The following ERAP1 variants were observed in gnomAD, a reference collection of about 807,000 sequenced individuals.
ERAP1 encodes adipocyte-derived leucine aminopeptidase.
ERAP1 carries 86 observed loss-of-function variants against 103.7 expected under a neutral mutation model. The observed-to-expected ratio is 0.83, with a 90% CI of 0.70 to 0.99. ERAP1 has a LOEUF of 0.99. Ranked by LOEUF, ERAP1 falls within the 50% of genes least tolerant of loss-of-function variation. The pLI is 0.00. For synonymous variants in ERAP1, 398 were observed against 402.4 expected, an observed-to-expected ratio of 0.99 and a Z score of 0.13; for missense variants, 1,009 against 1,128.4, an observed-to-expected ratio of 0.89 and a Z score of 1.52.
chr5:96,871,955 C>T, the ERAP1 span, among the ~76,000 whole-genome samples: 3 of 152,240 alleles, frequency 2.0e-5, no homozygotes, highest in East Asian at 5.8e-4. Context: ...CCCCTCCCTA[C>T]CCCCATTTCT....
At chr5:96,852,297 T>G in the ERAP1 span, among the ~76,000 whole-genome samples, 1 of 152,128 alleles carries the variant, frequency 6.6e-6, no homozygotes, top group Non-Finnish European at 1.5e-5. Context: ...AAATGCTGAG[T>G]GTGGACAGAT....
At chr5:96,815,507 G>A in the ERAP1 span, among the ~76,000 whole-genome samples, 1 of 147,630 alleles carries the variant, frequency 6.8e-6, no homozygotes, top group Non-Finnish European at 1.5e-5. Context: ...TGCCTCCCAT[G>A]TTCAAGCGAT....
intron 10 of ERAP1, among the ~76,000 whole-genome samples, 196 bp downstream of exon 10, chr5:96,790,100 C>G (rs1415357440): frequency 6.6e-6 from 1 of 152,236 alleles, no homozygotes; most frequent in Non-Finnish European, 1.5e-5. Flanking sequence ...AAGGAAAGCT[C>G]TGCAACCCTC....
At chr5:96,831,662 T>C in the ERAP1 span, among the ~76,000 whole-genome samples, 1 of 152,196 alleles carries the variant, frequency 6.6e-6, no homozygotes, top group Non-Finnish European at 1.5e-5. Flanking sequence ...TTAGATATAG[T>C]CTAATGTGCC....
chr5:96,801,883 T>A (rs77762835), intron 2 of ERAP1, among the ~76,000 whole-genome samples: 1,095 of 70,960 alleles, frequency 0.015, no homozygotes, highest in Middle Eastern at 0.033. Context: ...AAAAAAAAAA[T>A]CCCCAACAAC....
chr5:96,763,343 C>CGTGTGT, intron 19 of ERAP1: 2 of 751,442 alleles, frequency 2.7e-6, no homozygotes, highest in Non-Finnish European at 5.0e-6. Context: ...TAAAATGCCC[C>CGTGTGT]GTGTGTGTGT....
the ERAP1 span, chr5:96,912,768 C>T: frequency 2.5e-6 from 4 of 1,602,228 alleles, no homozygotes; most frequent in Non-Finnish European, 3.4e-6. Flanking sequence ...TATGCTTTGT[C>T]AACGAGCAAG....
the ERAP1 span, among the ~76,000 whole-genome samples, chr5:96,859,420 G>T: frequency 6.6e-6 from 1 of 152,090 alleles, no homozygotes; most frequent in East Asian, 1.9e-4. Context: ...ATTGCCTCAG[G>T]CTCCCAGACC....
chr5:96,805,123 G>A (rs1390108599), intron 1 of ERAP1, among the ~76,000 whole-genome samples: 1 of 151,964 alleles, frequency 6.6e-6, no homozygotes, highest in Non-Finnish European at 1.5e-5. Context: ...TTCCAGTTGG[G>A]AAAAGTAGCA....
chr5:96,895,154 TA>T, the ERAP1 span: 116 of 676,638 alleles, frequency 1.7e-4, no homozygotes, highest in Non-Finnish European at 2.2e-4. Flanking sequence ...TCCTAACTAA[TA>T]AAAAAAAAGT....
chr5:96,921,214 C>A, the ERAP1 span, among the ~76,000 whole-genome samples: 1 of 152,252 alleles, frequency 6.6e-6, no homozygotes, highest in East Asian at 1.9e-4. Flanking sequence ...CCTCAGCCTT[C>A]GGCTTACCCC....
At position 96,803,622 on chromosome 5, in the gene ERAP1, A is replaced by G. The variant is rs1449075742; in HGVS notation, c.305T>C (p.Ile102Thr). ...TCCCTTCCTGAGGGTGGCCCTAGATATCTGCAGGTGGTGACTATGCAGGAT... is the reference window on the plus strand; with the variant it reads ...TCCCTTCCTGAGGGTGGCCCTAGATGTCTGCAGGTGGTGACTATGCAGGAT... Reference protein sequence around the residue: ...TIILHSHHLQISRATLRKGAG... With the variant: ...TIILHSHHLQTSRATLRKGAG... The change falls in exon 2 of 19, where the codon ATA (isoleucine) becomes ACA (threonine). Residue 102 changes from isoleucine to threonine, a missense_variant. Around this residue, in one of 3 missense-constraint regions of ERAP1, gnomAD observed 392 missense variants for 455.2 expected, o/e 0.86. Coordinates refer to ENST00000443439, the MANE Select transcript of ERAP1 (RefSeq NM_001040458.3). 1 of 1,614,026 alleles carries G rather than the reference A, an allele frequency of 6.2e-7. No individual in the cohort carries two copies. Among genetic ancestry groups the G allele is most frequent in the Non-Finnish European group, 8.5e-7 (1 of 1,180,036 alleles).
downstream of ERAP1, chr5:96,774,150 G>GTGTT (rs1017178295): frequency 2.0e-5 from 3 of 153,656 alleles, no homozygotes; most frequent in Non-Finnish European, 4.4e-5. Flanking sequence ...GGCAGTATAG[G>GTGTT]TGTTTGCTTT....
At chr5:96,865,510 T>G in the ERAP1 span, among the ~76,000 whole-genome samples, 1 of 152,328 alleles carries the variant, frequency 6.6e-6, no homozygotes, top group South Asian at 2.1e-4. Context: ...GTAGAAATAC[T>G]TGGTAGATAG....
chr5:96,846,640 C>T, the ERAP1 span, among the ~76,000 whole-genome samples: 2 of 152,170 alleles, frequency 1.3e-5, no homozygotes, highest in Non-Finnish European at 2.9e-5. Flanking sequence ...CCAGGACATG[C>T]TGTTGCTGCT....
At chr5:96,815,415 T>TTTTG in the ERAP1 span, among the ~76,000 whole-genome samples, 4 of 142,506 alleles carry the variant, frequency 2.8e-5, no homozygotes, top group Non-Finnish European at 6.1e-5. Context: ...TTGTTTTTTA[T>TTTTG]TTTTTTTTTT....
intron 3 of ERAP1, among the ~76,000 whole-genome samples, chr5:96,798,456 T>C (rs1777606638): frequency 6.6e-6 from 1 of 151,604 alleles, no homozygotes; most frequent in Non-Finnish European, 1.5e-5. Context: ...AAGAAGAAAG[T>C]CTAACACGTC....
At chr5:96,808,187 C>CGTGTGGGTGTGTGTGTGT (rs1778891945), upstream of ERAP1, 1 of 770,918 alleles carries the variant, frequency 1.3e-6, no homozygotes, top group African/African-American at 3.9e-5. Context: ...AACGCGGATC[C>CGTGTGGGTGTGTGTGTGT]GTGTGTGTGT....
chr5:96,836,624 G>C, the ERAP1 span, among the ~76,000 whole-genome samples: 1 of 152,166 alleles, frequency 6.6e-6, no homozygotes, highest in Non-Finnish European at 1.5e-5. Context: ...AAATAATTGA[G>C]TGACATTGCT....
Sources: allele counts gnomAD v4.1 joint callset (sites outside exome capture counted in the v4.1 genomes callset), GRCh38; gene constraint gnomAD v4.1.1; regional missense constraint gnomAD v4.1.1; transcripts MANE v1.5; gene names NCBI Gene and HGNC (gene_info 2026-07-23, HGNC 2026-07-21).